The following CNTNAP2 variants were observed in gnomAD, a reference collection of about 807,000 sequenced individuals.
CNTNAP2 encodes the protein contactin associated protein 2.
Under a neutral mutation model 155.2 loss-of-function variants are expected in CNTNAP2, and 98 were observed. The observed-to-expected ratio is 0.63, with a 90% confidence interval of 0.54 to 0.75. The LOEUF is 0.75. CNTNAP2 is among the 30% of genes least tolerant of loss of function. CNTNAP2 has a pLI of 0.00. For missense variants in CNTNAP2, 1,727 were observed against 1,688.1 expected (o/e 1.02, Z -0.40); for synonymous variants, 651 against 631.2 (o/e 1.03, Z -0.47).
At chr7:146,478,847 T>C (rs187666413) in intron 1 of CNTNAP2, among the ~76,000 whole-genome samples, 115 of 152,282 alleles carry the variant, frequency 7.6e-4, no homozygotes, top group African/African-American at 1.6e-3. Context: ...ACATGTAGTT[T>C]AATGTTGTCT....
chr7:146,515,675 T>C (rs940841855), intron 1 of CNTNAP2, among the ~76,000 whole-genome samples: 8 of 152,062 alleles, frequency 5.3e-5, no homozygotes, highest in African/African-American at 1.9e-4. Context: ...GCAATATAGA[T>C]TTATTGGATG....
chr7:147,100,520 T>C (rs1800631496), intron 4 of CNTNAP2, among the ~76,000 whole-genome samples: 1 of 152,222 alleles, frequency 6.6e-6, no homozygotes, highest in African/African-American at 2.4e-5. Context: ...TTATATATTC[T>C]TTATTTAAAC....
intron 13 of CNTNAP2, among the ~76,000 whole-genome samples, chr7:147,781,710 C>A (rs771109407): frequency 6.6e-6 from 1 of 152,144 alleles, no homozygotes; most frequent in African/African-American, 2.4e-5. Flanking sequence ...GTCAAGGAAG[C>A]CTTTCATGCA....
At chr7:147,109,295 T>C (rs1302290497) in intron 5 of CNTNAP2, among the ~76,000 whole-genome samples, 1 of 152,128 alleles carries the variant, frequency 6.6e-6, no homozygotes, top group Non-Finnish European at 1.5e-5. Flanking sequence ...GCATGACTTA[T>C]GATGGGTTGG....
chr7:147,927,886 G>A (rs944646186), intron 14 of CNTNAP2, among the ~76,000 whole-genome samples: 5 of 152,100 alleles, frequency 3.3e-5, no homozygotes, highest in Admixed American at 1.3e-4. Context: ...ACTACCTACC[G>A]ATTATCAATT....
At chr7:146,978,242 G>A (rs577242741) in intron 3 of CNTNAP2, among the ~76,000 whole-genome samples, 3 of 152,238 alleles carry the variant, frequency 2.0e-5, no homozygotes, top group African/African-American at 7.2e-5. Flanking sequence ...TGTTTTGTAA[G>A]AGGTTTGCCA....
Position 148,220,228 on chromosome 7 carries a change from G to A in CNTNAP2, c.3247+2704G>A, listed in dbSNP as rs928875225. 2.6e-5 allele frequency among the ~76,000 whole-genome samples: 4 copies of A among 152,212 alleles called. No homozygotes were observed. In the South Asian group the frequency reaches 6.2e-4, roughly 24 times the overall value. On this transcript the variant is annotated intron_variant, in intron 19 of 23. Transcript: ENST00000361727. The stretch of plus-strand genomic sequence containing the variant: ...CACCATTCTCCTGCCTCAGCCTCCC[G>A]AGTAGCTGGGACTACAGGCGCCTGC...
chr7:146,332,941 AT>A (rs4016094), intron 1 of CNTNAP2, among the ~76,000 whole-genome samples: 4,477 of 102,322 alleles, frequency 0.044, 91 homozygotes, highest in African/African-American at 0.13. Context: ...TTCTTCTTCT[AT>A]TTTTTTTTTT....
chr7:146,276,503 C>T lies in CNTNAP2; in HGVS notation c.97+159530C>T, dbSNP rs530109945. Among the ~76,000 whole-genome samples the T allele has an allele frequency of 9.9e-5, 15 of 152,202 alleles. No homozygotes were observed. In the East Asian group the frequency reaches 1.9e-3, roughly 20 times the overall value. On this transcript the variant is annotated intron_variant, in intron 1 of 23. Coordinates refer to ENST00000361727, the MANE Select transcript of CNTNAP2 (RefSeq NM_014141.6). ...TTTCAGTTTAAAAATACATATTAAA[C>T]GTATAACATATACAAAGCACAATTT...
chr7:148,229,806 C>T, intron 20 of CNTNAP2, 27 bp downstream of exon 20: 1 of 1,613,224 alleles, frequency 6.2e-7, no homozygotes, highest in Non-Finnish European at 8.5e-7. Context: ...ATATAAATTA[C>T]ATATAATATC....
At chr7:147,865,688 C>A (rs1359256093) in intron 13 of CNTNAP2, among the ~76,000 whole-genome samples, 1 of 152,170 alleles carries the variant, frequency 6.6e-6, no homozygotes, top group African/African-American at 2.4e-5. Context: ...CTATCCATTT[C>A]TTCTAGATTT....
At chr7:146,221,046 ATTATACCACAGGTTGGTC>A (rs992550475) in intron 1 of CNTNAP2, among the ~76,000 whole-genome samples, 1 of 152,220 alleles carries the variant, frequency 6.6e-6, no homozygotes, top group Non-Finnish European at 1.5e-5. Context: ...CTTCACTTGC[ATTATACCACAGGTTGGTC>A]CTTAATCCGT....
intron 11 of CNTNAP2, among the ~76,000 whole-genome samples, chr7:147,488,913 G>A (rs955542026): frequency 3.3e-5 from 5 of 152,152 alleles, no homozygotes; most frequent in Admixed American, 6.5e-5. Context: ...AATGATGTAC[G>A]GAAGATGCTG....
intron 1 of CNTNAP2, among the ~76,000 whole-genome samples, chr7:146,243,978 G>T (rs1424034807): frequency 6.6e-6 from 1 of 152,140 alleles, no homozygotes; most frequent in Non-Finnish European, 1.5e-5. Flanking sequence ...GAGTGGGAGA[G>T]ATTAAGCTGA....
chr7:147,738,490 G>A (rs1361255497), intron 13 of CNTNAP2, among the ~76,000 whole-genome samples: 1 of 152,100 alleles, frequency 6.6e-6, no homozygotes, highest in Non-Finnish European at 1.5e-5. Flanking sequence ...TCAAAATAGA[G>A]GCAAGACCCT....
chr7:146,952,209 C>T (rs374912708), intron 3 of CNTNAP2, among the ~76,000 whole-genome samples: 56 of 152,144 alleles, frequency 3.7e-4, no homozygotes, highest in Middle Eastern at 3.4e-3. Flanking sequence ...GCTGAAAAGG[C>T]CTTCGATAAA....
chr7:148,393,022 G>GTCTATATTCCAAGTTTCCTTTCTA (rs1799387559), intron 22 of CNTNAP2, among the ~76,000 whole-genome samples: 1 of 151,808 alleles, frequency 6.6e-6, no homozygotes, highest in Non-Finnish European at 1.5e-5. Context: ...GTTGATTTCT[G>GTCTATATTCCAAGTTTCCTTTCTA]TCTATATTCC....
intron 3 of CNTNAP2, among the ~76,000 whole-genome samples, chr7:146,888,012 T>G (rs981777934): frequency 6.6e-5 from 10 of 152,132 alleles, no homozygotes; most frequent in Non-Finnish European, 1.3e-4. Flanking sequence ...ACCAAGTATT[T>G]AAGTCCAAAA....
intron 13 of CNTNAP2, among the ~76,000 whole-genome samples, chr7:147,806,496 A>AAT (rs1223232133): frequency 1.3e-5 from 2 of 152,170 alleles, no homozygotes; most frequent in African/African-American, 2.4e-5. Flanking sequence ...CCCACTGCTG[A>AAT]ATATATATAA....
Sources: allele counts gnomAD v4.1 joint callset (sites outside exome capture counted in the v4.1 genomes callset), GRCh38; gene constraint gnomAD v4.1.1; transcripts MANE v1.5; gene names NCBI Gene and HGNC (gene_info 2026-07-23, HGNC 2026-07-21).